The following PDE11A variants were observed in gnomAD, a reference collection of about 807,000 sequenced individuals.
PDE11A encodes phosphodiesterase 11A, also known as dual 3',5'-cyclic-AMP and -GMP phosphodiesterase 11A.
Under a neutral mutation model 100.5 loss-of-function variants are expected in PDE11A, and 100 were observed. The observed-to-expected ratio is 1.00, with a 90% CI of 0.85 to 1.18. The LOEUF is 1.18. Ranked by LOEUF, PDE11A falls within the 50% of genes most tolerant of loss-of-function variation. The pLI is 0.00. For synonymous variants in PDE11A, 381 were observed against 420.8 expected (o/e 0.91, Z 1.16); for missense variants, 1,141 against 1,152.6 (o/e 0.99, Z 0.15).
intron 19 of PDE11A, among the ~76,000 whole-genome samples, chr2:177,645,031 G>C (rs2080202556): frequency 1.3e-5 from 2 of 152,072 alleles, no homozygotes; most frequent in African/African-American, 4.8e-5. Flanking sequence ...AACCAGTCTT[G>C]GGTATGTCTT....
At chr2:178,105,232 C>T (rs2087603921) in intron 1 of PDE11A, among the ~76,000 whole-genome samples, 1 of 152,094 alleles carries the variant, frequency 6.6e-6, no homozygotes, top group Non-Finnish European at 1.5e-5. Context: ...GAGGCCAAGG[C>T]GGGCAAATCA....
chr2:177,960,380 A>C (rs1238144122), intron 2 of PDE11A, among the ~76,000 whole-genome samples: 1 of 152,134 alleles, frequency 6.6e-6, no homozygotes, highest in Non-Finnish European at 1.5e-5. Flanking sequence ...GGAATGAAAA[A>C]ATTTCAACTA....
rs771195129 is a variant in PDE11A, at chr2:177,769,369, A to G, written c.1742T>C (p.Leu581Pro). The change falls in exon 10 of 20, where the codon CTA (leucine) becomes CCA (proline). Residue 581 changes from leucine to proline, a missense_variant. Physicochemically the swap from Leu to Pro is moderately conservative, Grantham distance 98. Transcript: ENST00000286063. ...TTTTGAACATGTTGCATGGTATGAT[A>G]GCACCTGATTCAGAAGAAAAAAAAA... ...WAKQSVALDV[L>P]SYHATCSKAE... 9 of 1,574,528 alleles carry G rather than the reference A, an allele frequency of 5.7e-6. No individual in the cohort carries two copies. In the East Asian group the frequency reaches 1.1e-4, roughly 20 times the overall value.
Position 177,628,491 on chromosome 2 carries a change from T to G in PDE11A, c.*916A>C, listed in dbSNP as rs1171036394. Reference sequence around the variant, plus strand: ...TCCAAAATTAGGGACCCCTATAGTTTGCTTTAAGTTGGTTACTGGTAGTAA... The same window carrying G: ...TCCAAAATTAGGGACCCCTATAGTTGGCTTTAAGTTGGTTACTGGTAGTAA... On this transcript the variant is annotated 3_prime_UTR_variant, in exon 20 of 20. Coordinates refer to ENST00000286063, the MANE Select transcript of PDE11A (RefSeq NM_016953.4). 1 of 152,632 alleles carries G rather than the reference T, an allele frequency of 6.6e-6. No individual in the cohort carries two copies. Among genetic ancestry groups the G allele is most frequent in the East Asian group, 1.9e-4 (1 of 5,206 alleles). 9.5% of individuals were successfully genotyped at this position (152,632 alleles called of 1,614,324 possible).
At chr2:177,741,495 T>C (rs1376700912) in intron 10 of PDE11A, among the ~76,000 whole-genome samples, 2 of 152,218 alleles carry the variant, frequency 1.3e-5, no homozygotes, top group African/African-American at 2.4e-5. Context: ...ACAGTTATCA[T>C]TATTGCAAAT....
intron 2 of PDE11A, among the ~76,000 whole-genome samples, chr2:177,981,810 T>C (rs2085885692): frequency 6.6e-6 from 1 of 151,076 alleles, no homozygotes; most frequent in Non-Finnish European, 1.5e-5. Flanking sequence ...AATATCATTC[T>C]CTAGTGATTC....
intron 1 of PDE11A, among the ~76,000 whole-genome samples, chr2:178,106,819 G>C (rs1430361500): frequency 1.3e-5 from 2 of 151,886 alleles, no homozygotes; most frequent in African/African-American, 4.8e-5. Flanking sequence ...AATTAGCCGG[G>C]TGTGGTGGTG....
At chr2:178,018,532 C>A (rs1217120614) in intron 1 of PDE11A, 3 of 415,096 alleles carry the variant, frequency 7.2e-6, no homozygotes, top group Middle Eastern at 8.8e-4. Context: ...TTTGCCTCTG[C>A]TCTGCCATGC....
chr2:177,665,995 CA>C (rs2105482155), intron 18 of PDE11A, among the ~76,000 whole-genome samples: 1 of 151,974 alleles, frequency 6.6e-6, no homozygotes, highest in African/African-American at 2.4e-5. Flanking sequence ...AGTATATTTA[CA>C]AAGTTGAGCA....
intron 4 of PDE11A, among the ~76,000 whole-genome samples, chr2:177,883,742 A>G (rs780868687): frequency 3.9e-5 from 6 of 152,216 alleles, no homozygotes; most frequent in Non-Finnish European, 7.3e-5. Context: ...AAAGAAGCCC[A>G]TAAGGAATGG....
chr2:177,723,719 C>T (rs1559160811), intron 12 of PDE11A, among the ~76,000 whole-genome samples: 1 of 152,058 alleles, frequency 6.6e-6, no homozygotes, highest in African/African-American at 2.4e-5. Context: ...GGGCATGGCT[C>T]AAAGTGCTAA....
At chr2:177,862,782 C>T (rs184660021) in intron 5 of PDE11A, among the ~76,000 whole-genome samples, 52 of 151,924 alleles carry the variant, frequency 3.4e-4, no homozygotes, top group African/African-American at 1.2e-3. Context: ...AGATTCAGTA[C>T]AATACCTATC....
rs147775273 is a variant in PDE11A at position 178,071,958 on chromosome 2, C to T, written c.480G>A (p.Lys160=). ...SSVRRRALLR[K]ASSLPPTTAH... Reference sequence around the variant, plus strand: ...CTGTGGTGGGGGGCAGGGAGCTTGCCTTCCGGAGAAGTGCCCTCCGTCGTA... The same window carrying T: ...CTGTGGTGGGGGGCAGGGAGCTTGCTTTCCGGAGAAGTGCCCTCCGTCGTA... The change falls in exon 1 of 20, where the codon AAG becomes AAA. Residue 160 remains lysine (K), a synonymous_variant. Coordinates refer to ENST00000286063, the MANE Select transcript of PDE11A (RefSeq NM_016953.4). 6.8e-5 allele frequency: 110 copies of T among 1,613,998 alleles called. No homozygotes were observed. The African/African-American group carries it at 1.3e-3, about 19-fold the overall frequency.
intron 1 of PDE11A, among the ~76,000 whole-genome samples, chr2:178,045,494 C>T (rs970257286): frequency 3.3e-5 from 5 of 152,198 alleles, no homozygotes; most frequent in African/African-American, 7.2e-5. Context: ...GACTGCCACT[C>T]ATTGTTTACA....
At chr2:177,774,236 T>C (rs2082348948) in intron 9 of PDE11A, among the ~76,000 whole-genome samples, 1 of 152,056 alleles carries the variant, frequency 6.6e-6, no homozygotes, top group Non-Finnish European at 1.5e-5. Context: ...CTTGCTAATT[T>C]TAACAAGCAT....
chr2:177,853,695 T>G, intron 5 of PDE11A, among the ~76,000 whole-genome samples: 1 of 34,882 alleles, frequency 2.9e-5, no homozygotes, highest in African/African-American at 8.0e-5. Flanking sequence ...TGTGTGTGTG[T>G]GTGTGTGTGT....
rs185282239 is a variant in PDE11A at position 177,711,914 on chromosome 2, G to C, written c.2044-36C>G. 917 of 1,051,556 alleles carry C rather than the reference G, an allele frequency of 8.7e-4. 1 individual carries two copies. Among genetic ancestry groups the C allele is most frequent in the Non-Finnish European group, 1.2e-3 (829 of 668,838 alleles). The allele number at this position is 1,051,556 out of a possible 1,614,324, so 65.1% of individuals were successfully genotyped here. A position where few individuals can be genotyped will look rare whatever the true frequency, so the allele number is the denominator to read the frequency against. ...GGGGAAAATGGCAACAGTCACTACT[G>C]GGGTACGGAGGATGGATAAGGTTAG... On this transcript the variant is annotated intron_variant, in intron 12 of 19. Transcript: ENST00000286063.
At chr2:177,787,529 C>T (rs2082555719) in intron 9 of PDE11A, among the ~76,000 whole-genome samples, 2 of 151,810 alleles carry the variant, frequency 1.3e-5, no homozygotes. Flanking sequence ...ATCAAATTCA[C>T]AAATAACAAT....
chr2:177,830,697 A>G (rs2083295512), intron 6 of PDE11A, among the ~76,000 whole-genome samples: 1 of 150,926 alleles, frequency 6.6e-6, no homozygotes, highest in Non-Finnish European at 1.5e-5. Flanking sequence ...TTTTGCTGCA[A>G]TAGAAAATTA....
Sources: allele counts gnomAD v4.1 joint callset (sites outside exome capture counted in the v4.1 genomes callset), GRCh38; gene constraint gnomAD v4.1.1; transcripts MANE v1.5; gene names NCBI Gene and HGNC (gene_info 2026-07-23, HGNC 2026-07-21).